The following CEP170 variants were observed in gnomAD, a reference collection of about 807,000 sequenced individuals.
The protein encoded by CEP170 is centrosomal protein of 170 kDa.
Under a neutral mutation model 151.9 loss-of-function variants are expected in CEP170, and 21 were observed. The ratio of observed to expected loss-of-function variants is 0.14; its 90% confidence interval spans 0.10 to 0.20. The LOEUF is 0.20. CEP170 is among the 10% of genes least tolerant of loss of function. CEP170 has a pLI of 1.00. For synonymous variants in CEP170, 356 were observed against 648.8 expected, an observed-to-expected ratio of 0.55 and a Z score of 6.86; for missense variants, 964 against 1,892.9, an observed-to-expected ratio of 0.51 and a Z score of 9.11.
intron 1 of CEP170, among the ~76,000 whole-genome samples, chr1:243,228,485 A>G (rs1006466763): frequency 6.6e-6 from 1 of 152,204 alleles, no homozygotes; most frequent in East Asian, 1.9e-4. Flanking sequence ...CAAGTCTATA[A>G]AGGTGAATCC....
chr1:243,192,729 C>A (rs1234281621), intron 7 of CEP170, among the ~76,000 whole-genome samples: 1 of 152,164 alleles, frequency 6.6e-6, no homozygotes, highest in Non-Finnish European at 1.5e-5. Context: ...CTGTCAGGTA[C>A]TATAATTGGT....
chr1:243,129,052 A>AT (rs1464008185), intron 18 of CEP170, among the ~76,000 whole-genome samples: 11 of 152,082 alleles, frequency 7.2e-5, no homozygotes, highest in African/African-American at 2.4e-4. Context: ...GAAACGACTT[A>AT]TGTCAACTTA....
rs1431058601 is a variant in CEP170, at chr1:243,128,532, G to A, written c.4414-232C>T. Reference sequence around the variant, plus strand: ...TAACTTTTTCAGTGAGATGATTGTAGCAGATGAAAAGTTTAACATTTACTA... The same window carrying A: ...TAACTTTTTCAGTGAGATGATTGTAACAGATGAAAAGTTTAACATTTACTA... On this transcript the variant is annotated intron_variant, in intron 18 of 19. Coordinates refer to ENST00000366542, the MANE Select transcript of CEP170 (RefSeq NM_014812.3). 3 of 467,310 alleles carry A rather than the reference G, an allele frequency of 6.4e-6. No homozygotes were observed. In the East Asian group the frequency reaches 1.2e-4, roughly 19 times the overall value. 28.9% of individuals were successfully genotyped at this position (467,310 alleles called of 1,614,324 possible).
rs531506430 is a variant in CEP170, at chr1:243,173,561, C to A, written c.1567-715G>T. ...GACCAGCCTGGCCAACATGGTGAAA[C>A]CCCGTTTCTACTAAAAATACAAAAA... is the stretch of plus-strand genomic sequence containing the variant. On this transcript the variant is annotated intron_variant, in intron 10 of 19. Transcript: ENST00000366542. Among the ~76,000 whole-genome samples, 8 of 151,446 alleles carry A rather than the reference C, an allele frequency of 5.3e-5. No individual in the cohort carries two copies. In the East Asian group the frequency reaches 1.4e-3, roughly 26 times the overall value.
chr1:243,251,477 A>G (rs2065934863), intron 1 of CEP170, among the ~76,000 whole-genome samples: 1 of 152,204 alleles, frequency 6.6e-6, no homozygotes, highest in Admixed American at 6.5e-5. Flanking sequence ...CTATGCTTCA[A>G]ATTTTTTCAA....
At chr1:243,220,865 G>A (rs1223861502) in intron 3 of CEP170, among the ~76,000 whole-genome samples, 2 of 152,174 alleles carry the variant, frequency 1.3e-5, no homozygotes, top group African/African-American at 4.8e-5. Flanking sequence ...ATTCACTTCA[G>A]TAACACAAAA....
intron 1 of CEP170, among the ~76,000 whole-genome samples, chr1:243,244,299 C>CA (rs1035238409): frequency 1.3e-5 from 2 of 150,322 alleles, no homozygotes; most frequent in Admixed American, 6.6e-5. Flanking sequence ...ATTTTCATTA[C>CA]AAAAAAAAGA....
chr1:243,156,461 T>C lies in CEP170; in HGVS notation c.3677-6A>G, dbSNP rs2148466181. The C allele has an allele frequency of 6.5e-7, 1 of 1,528,018 alleles. No individual in the cohort carries two copies. Among genetic ancestry groups the C allele is most frequent in the East Asian group, 2.5e-5 (1 of 40,612 alleles). 94.7% of individuals were successfully genotyped at this position (1,528,018 alleles called of 1,614,324 possible). On this transcript the variant is annotated splice_polypyrimidine_tract_variant and splice_region_variant and intron_variant, in intron 13 of 19. Coordinates refer to ENST00000366542, the MANE Select transcript of CEP170 (RefSeq NM_014812.3). ...GCGCCTCCATCTTGAATTTACTAAATTAGTTTAATTATTAAAAAAAGAATT... is the reference window on the plus strand; with the variant it reads ...GCGCCTCCATCTTGAATTTACTAAACTAGTTTAATTATTAAAAAAAGAATT...
intron 1 of CEP170, among the ~76,000 whole-genome samples, chr1:243,252,041 G>C (rs2065981779): frequency 6.6e-6 from 1 of 151,992 alleles, no homozygotes. Flanking sequence ...TAAAAACCTA[G>C]GGTATCTGAT....
At chr1:243,163,809 C>T (rs956617722) in intron 13 of CEP170, among the ~76,000 whole-genome samples, 28 of 152,206 alleles carry the variant, frequency 1.8e-4, no homozygotes, top group Non-Finnish European at 3.7e-4. Context: ...TTGATTATTT[C>T]ATTTAACTCT....
At chr1:243,134,528 T>A (rs978693484) in intron 17 of CEP170, among the ~76,000 whole-genome samples, 96 of 152,158 alleles carry the variant, frequency 6.3e-4, no homozygotes, top group African/African-American at 2.3e-3. Context: ...GATAGGATCT[T>A]GCTCTGTTGC....
chr1:243,251,563 C>T (rs374636229), intron 1 of CEP170, among the ~76,000 whole-genome samples: 5 of 152,182 alleles, frequency 3.3e-5, no homozygotes, highest in African/African-American at 1.2e-4. Flanking sequence ...ACATAAACTT[C>T]CTGGCACCTA....
At position 243,190,944 on chromosome 1, in the gene CEP170, T is replaced by C. The variant is rs2060272988; in HGVS notation, c.1108+74A>G. ...TGTTTTCTACCATGTAAGTATCTAC[T>C]AGTAGTCTAGTAAATGAAGACCAGA... On this transcript the variant is annotated intron_variant, in intron 8 of 19. Transcript: ENST00000366542. 2.1e-5 allele frequency: 31 copies of C among 1,452,310 alleles called. 3 individuals are homozygous for C. In the South Asian group the frequency reaches 4.4e-4, roughly 21 times the overall value. The allele number at this position is 1,452,310 out of a possible 1,614,324, so 90.0% of individuals were successfully genotyped here. A position where few individuals can be genotyped will look rare whatever the true frequency, so the allele number is the denominator to read the frequency against.
intron 1 of CEP170, among the ~76,000 whole-genome samples, chr1:243,241,925 ATAGAAAACATAT>A (rs753611349): frequency 6.6e-6 from 1 of 152,110 alleles, no homozygotes; most frequent in Non-Finnish European, 1.5e-5. Flanking sequence ...AAAGAAAGAA[ATAGAAAACATAT>A]TAGAGCACAG....
chr1:243,135,206 ATTAT>A (rs750897112), intron 17 of CEP170, among the ~76,000 whole-genome samples: 2 of 152,052 alleles, frequency 1.3e-5, no homozygotes, highest in East Asian at 1.9e-4. Context: ...TCAAGAAATT[ATTAT>A]TTATTTATTT....
intron 13 of CEP170, among the ~76,000 whole-genome samples, chr1:243,157,898 T>C (rs966276252): frequency 5.9e-5 from 9 of 152,234 alleles, no homozygotes; most frequent in Admixed American, 6.5e-5. Context: ...GATTCATTCA[T>C]AGGTATGACA....
At chr1:243,176,198 G>T (rs2059241169) in intron 10 of CEP170, among the ~76,000 whole-genome samples, 1 of 151,934 alleles carries the variant, frequency 6.6e-6, no homozygotes, top group African/African-American at 2.4e-5. Context: ...CAAAATCTAG[G>T]TCTTTCATTC....
chr1:243,251,036 G>A (rs2065890423), intron 1 of CEP170, among the ~76,000 whole-genome samples: 1 of 152,172 alleles, frequency 6.6e-6, no homozygotes, highest in African/African-American at 2.4e-5. Flanking sequence ...CTAACATTTA[G>A]ACAAGAGAAA....
intron 1 of CEP170, among the ~76,000 whole-genome samples, chr1:243,226,945 C>T (rs960322332): frequency 3.9e-5 from 6 of 152,088 alleles, no homozygotes; most frequent in African/African-American, 7.2e-5. Context: ...GCTGAGATCA[C>T]GCCACTGCAC....
Sources: allele counts gnomAD v4.1 joint callset (sites outside exome capture counted in the v4.1 genomes callset), GRCh38; gene constraint gnomAD v4.1.1; transcripts MANE v1.5; gene names NCBI Gene and HGNC (gene_info 2026-07-23, HGNC 2026-07-21).